DHRS3: variants seen among roughly 807,000 people sequenced by gnomAD.
DHRS3 encodes the protein short-chain dehydrogenase/reductase 3.
In DHRS3, 14 loss-of-function variants were observed where a neutral mutation model predicts 27.2. The observed-to-expected ratio is 0.52, with a 90% CI of 0.34 to 0.81. The LOEUF (loss-of-function observed/expected upper bound fraction) is 0.81, where lower values mean the gene tolerates loss of function less well. Among genes scored for constraint, DHRS3 ranks in the 30% least tolerant of loss-of-function variants. The pLI is 0.01. For synonymous variants in DHRS3, 165 were observed against 175.9 expected (o/e 0.94, Z 0.49); for missense variants, 322 against 406.2 (o/e 0.79, Z 1.78).
intron 1 of DHRS3, among the ~76,000 whole-genome samples, chr1:12,610,108 T>C (rs992632795): frequency 3.9e-5 from 6 of 152,168 alleles, no homozygotes; most frequent in South Asian, 2.1e-4. Flanking sequence ...AGACAGAGTC[T>C]CCCACTGTTG....
chr1:12,614,845 A>G (rs1646934089), intron 1 of DHRS3, among the ~76,000 whole-genome samples: 1 of 152,170 alleles, frequency 6.6e-6, no homozygotes, highest in Admixed American at 6.5e-5. Flanking sequence ...ACTTCCATCA[A>G]GAGGAGAAGG....
At position 12,603,036 on chromosome 1, in the gene DHRS3, G is replaced by A. The variant is rs183369545; in HGVS notation, c.195+14118C>T. ...TGTGTCCTTTCTGGCAGATGGATTTGGGCTGAGTCCCCCTTGGAGAGGCTG... is the reference window on the plus strand; with the variant it reads ...TGTGTCCTTTCTGGCAGATGGATTTAGGCTGAGTCCCCCTTGGAGAGGCTG... On this transcript the variant is annotated intron_variant, in intron 1 of 5. Coordinates refer to ENST00000616661, the MANE Select transcript of DHRS3 (RefSeq NM_004753.7). Among the ~76,000 whole-genome samples the A allele has an allele frequency of 8.6e-4, 131 of 152,340 alleles. 3 individuals are homozygous for A. The East Asian group carries it at 0.016, about 19-fold the overall frequency.
At position 12,594,863 on chromosome 1, in the gene DHRS3, T is replaced by C. The variant is rs924615306; in HGVS notation, c.196-14197A>G. 6.6e-6 allele frequency among the ~76,000 whole-genome samples: 1 copy of C among 151,524 alleles called. No homozygotes were observed. The highest frequency in any genetic ancestry group is 1.5e-5 in the Non-Finnish European group (1 of 67,848). ...AAGGGGCTGGGCTGGGATGCTTAGG[T>C]GATGGGAGAAGAGGGATTCTGGACG... On this transcript the variant is annotated intron_variant, in intron 1 of 5. Transcript: ENST00000616661. The surrounding 1 kb of genome is among the most constrained non-coding windows in gnomAD (Gnocchi z 4.1).
intron 1 of DHRS3, among the ~76,000 whole-genome samples, chr1:12,585,245 C>CTATGTGTG (rs1256874447): frequency 7.0e-6 from 1 of 143,818 alleles, no homozygotes; most frequent in African/African-American, 2.6e-5. Context: ...GAGTGTGTGT[C>CTATGTGTG]TCTGTGTCTC....
In DHRS3 at chr1:12,574,253, C is replaced by A. The variant is rs555508311; in HGVS notation, c.699-1400G>T. ...TGACGTGATCACAGCTCACTGCAGC[C>A]TCGACCTCCCTGGGCTCAAGTAATC... On this transcript the variant is annotated intron_variant, in intron 4 of 5. Coordinates refer to ENST00000616661, the MANE Select transcript of DHRS3 (RefSeq NM_004753.7). This position sits in a 1 kb window ranked among gnomAD's most constrained non-coding sequence, Gnocchi z 4.6. 2.7e-3 allele frequency among the ~76,000 whole-genome samples: 408 copies of A among 152,290 alleles called. No individual in the cohort carries two copies. The highest frequency in any genetic ancestry group is 9.3e-3 in the African/African-American group (387 of 41,556).
rs1355754883 is a variant in DHRS3 at position 12,568,265 on chromosome 1, C to T, written c.*75G>A. The T allele has an allele frequency of 7.4e-7, 1 of 1,355,976 alleles. No homozygotes were observed. The allele number at this position is 1,355,976 out of a possible 1,614,324, so 84.0% of individuals were successfully genotyped here. ...CACCCAGCAGAAGCATGCCAATGGA[C>T]AGGTGCTCGGGTGTGTGCCCAGGTG... On this transcript the variant is annotated 3_prime_UTR_variant, in exon 6 of 6. Coordinates refer to ENST00000616661, the MANE Select transcript of DHRS3 (RefSeq NM_004753.7).
chr1:12,581,219 C>T (rs551689012), intron 1 of DHRS3, among the ~76,000 whole-genome samples: 1 of 152,300 alleles, frequency 6.6e-6, no homozygotes, highest in South Asian at 2.1e-4. Flanking sequence ...TGTGTATTTA[C>T]AAGTTTTTCT....
chr1:12,575,089 G>A (rs1357203795), intron 4 of DHRS3, among the ~76,000 whole-genome samples: 1 of 152,150 alleles, frequency 6.6e-6, no homozygotes. Flanking sequence ...CACTTTGGGA[G>A]GCTGAGGCAG....
Position 12,578,482 on chromosome 1 carries a change from T to C in DHRS3, c.698+236A>G, listed in dbSNP as rs1043090821. ...GGTGTGCATCACCATGCCCAGCTAA[T>C]TTTTTATTTTTTTTAGACACAGGGT... On this transcript the variant is annotated intron_variant, in intron 4 of 5. Coordinates refer to ENST00000616661, the MANE Select transcript of DHRS3 (RefSeq NM_004753.7). The surrounding 1 kb of genome is among the most constrained non-coding windows in gnomAD (Gnocchi z 4.5). Among the ~76,000 whole-genome samples the C allele has an allele frequency of 6.6e-6, 1 of 152,198 alleles. No individual in the cohort carries two copies. Among genetic ancestry groups the C allele is most frequent in the East Asian group, 1.9e-4 (1 of 5,202 alleles).
At chr1:12,614,586 C>T (rs1182778326) in intron 1 of DHRS3, among the ~76,000 whole-genome samples, 2 of 151,880 alleles carry the variant, frequency 1.3e-5, no homozygotes, top group African/African-American at 4.8e-5. Context: ...CAAATATTGC[C>T]AAATCCTATT....
chr1:12,594,552 TGGG>T lies in DHRS3; in HGVS notation c.196-13889_196-13887del, dbSNP rs541038730. 1.0e-3 allele frequency among the ~76,000 whole-genome samples: 152 copies of T among 151,362 alleles called. 1 individual carries two copies. The highest frequency in any genetic ancestry group is 1.8e-3 in the Non-Finnish European group (124 of 67,786). ...TGGGGTGGGAGTGGTATTCAGATGG[TGGG>T]GGAAAGGTGCAGGGAAGTCCTCTTG... On this transcript the variant is annotated intron_variant, in intron 1 of 5. Transcript: ENST00000616661. This position sits in a 1 kb window ranked among gnomAD's most constrained non-coding sequence, Gnocchi z 4.1.
rs994549808 is a variant in DHRS3 at position 12,594,971 on chromosome 1, G to A, written c.196-14305C>T. 1.3e-5 allele frequency among the ~76,000 whole-genome samples: 2 copies of A among 152,150 alleles called. No individual in the cohort carries two copies. Among genetic ancestry groups the A allele is most frequent in the Non-Finnish European group, 2.9e-5 (2 of 68,032 alleles). ...CCTGAGAAAATGGAAGAATGAGGTT[G>A]CCGTTCCCTGAGCCCCAGCGCCTCC... On this transcript the variant is annotated intron_variant, in intron 1 of 5. Transcript: ENST00000616661. The surrounding 1 kb of genome is among the most constrained non-coding windows in gnomAD (Gnocchi z 4.1).
At chr1:12,579,173 C>T in intron 3 of DHRS3, 120 bp downstream of exon 3, 1 of 1,503,342 alleles carries the variant, frequency 6.7e-7, no homozygotes, top group Non-Finnish European at 9.1e-7. Context: ...TGTCTGGCCA[C>T]CTTGTTCGTG....
intron 1 of DHRS3, among the ~76,000 whole-genome samples, chr1:12,599,486 G>A (rs906432743): frequency 5.9e-5 from 9 of 152,228 alleles, no homozygotes; most frequent in African/African-American, 1.2e-4. Flanking sequence ...TGGGCTGGTC[G>A]TGCATCCTGT....
At chr1:12,579,204 C>T (rs769367634) in intron 3 of DHRS3, 89 bp downstream of exon 3, 6 of 1,604,130 alleles carry the variant, frequency 3.7e-6, no homozygotes, top group Admixed American at 1.7e-5. Flanking sequence ...CTGGCCTGAG[C>T]CCAAGCCCTG....
chr1:12,584,950 C>T (rs1288897417), intron 1 of DHRS3, among the ~76,000 whole-genome samples: 3 of 147,252 alleles, frequency 2.0e-5, no homozygotes, highest in East Asian at 2.0e-4. Context: ...TCTGTCTCTC[C>T]GTGTGTCTGT....
At chr1:12,616,284 T>C (rs1037538001) in intron 1 of DHRS3, among the ~76,000 whole-genome samples, 2 of 152,050 alleles carry the variant, frequency 1.3e-5, no homozygotes, top group African/African-American at 4.8e-5. Context: ...CCTGCCTCCC[T>C]CTCCTGATGG....
rs528909590 is a variant in DHRS3, at chr1:12,594,965, G to A, written c.196-14299C>T. Among the ~76,000 whole-genome samples the A allele has an allele frequency of 3.2e-4, 48 of 152,286 alleles. No homozygotes were observed. Among genetic ancestry groups the A allele is most frequent in the African/African-American group, 1.1e-3 (47 of 41,560 alleles). On this transcript the variant is annotated intron_variant, in intron 1 of 5. Transcript: ENST00000616661. This position sits in a 1 kb window ranked among gnomAD's most constrained non-coding sequence, Gnocchi z 4.1. ...GTTTGGCCTGAGAAAATGGAAGAATGAGGTTGCCGTTCCCTGAGCCCCAGC... is the reference window on the plus strand; with the variant it reads ...GTTTGGCCTGAGAAAATGGAAGAATAAGGTTGCCGTTCCCTGAGCCCCAGC...
Sources: gnomAD v4.1 joint callset for allele counts (sites outside exome capture counted in the v4.1 genomes callset) on GRCh38, gnomAD v4.1.1 for gene constraint, Gnocchi (gnomAD v3.1) non-coding constraint, MANE v1.5 for transcripts, NCBI Gene and HGNC (gene_info 2026-07-23, HGNC 2026-07-21) for gene names.